Variants in SEMA4F observed in about 807,000 individuals in gnomAD.
The protein encoded by SEMA4F is semaphorin-4F.
SEMA4F carries 51 observed loss-of-function variants against 78.4 expected under a neutral mutation model. That is an observed-to-expected ratio of 0.65 (90% confidence interval 0.52 to 0.82). The LOEUF is 0.82. Among genes scored for constraint, SEMA4F ranks in the 40% least tolerant of loss-of-function variants. SEMA4F has a pLI of 0.00. For synonymous variants in SEMA4F, 418 were observed against 408.7 expected (o/e 1.02, Z -0.27); for missense variants, 938 against 1,014.4 (o/e 0.92, Z 1.02).
chr2:74,695,056 G>T, the SEMA4F span, among the ~76,000 whole-genome samples: 1 of 151,868 alleles, frequency 6.6e-6, no homozygotes, highest in Non-Finnish European at 1.5e-5. Context: ...GACTGTGATA[G>T]CTGGGAGGAG....
rs1334432928 is a variant in SEMA4F, at chr2:74,673,477, A to G, written c.571A>G (p.Thr191Ala). Residue 191 changes from threonine to alanine, a missense_variant, in exon 6 of 14, where the codon ACT (threonine) becomes GCT (alanine). Physicochemically the swap from Thr to Ala is moderately conservative, Grantham distance 58. Coordinates refer to ENST00000357877, the MANE Select transcript of SEMA4F (RefSeq NM_004263.5). ...VMAGGVLYAATVKNYLGTEPI... is the reference protein window; with the variant it reads ...VMAGGVLYAAAVKNYLGTEPI... ...TGCAGGGGGGGTCCTCTATGCTGCCACTGTGAAAAACTACCTGGGGACGGA... is the reference window on the plus strand; with the variant it reads ...TGCAGGGGGGGTCCTCTATGCTGCCGCTGTGAAAAACTACCTGGGGACGGA... 6.2e-7 allele frequency: 1 copy of G among 1,613,946 alleles called. No individual in the cohort carries two copies. Among genetic ancestry groups the G allele is most frequent in the Non-Finnish European group, 8.5e-7 (1 of 1,180,016 alleles).
chr2:74,702,706 A>G, the SEMA4F span, among the ~76,000 whole-genome samples: 43,208 of 152,052 alleles, frequency 0.28, 9,092 homozygotes, highest in East Asian at 0.82. Context: ...CAGACGATTC[A>G]TAGATCAACC....
chr2:74,675,269 TC>T lies in SEMA4F; in HGVS notation c.1259del (p.Pro420GlnfsTer23). ...DHPLMDRPVF[P>X]ADGHPLLVTT... is the part of the protein sequence containing the mutation. ...ACCCACTCATGGACAGGCCAGTGTTTCCAGCTGATGGCCACCCCCTGCTGGT... is the reference window on the plus strand; with the variant it reads ...ACCCACTCATGGACAGGCCAGTGTTTCAGCTGATGGCCACCCCCTGCTGGT... On this transcript the variant is annotated frameshift_variant, in exon 10 of 14. Transcript: ENST00000357877. LOFTEE classifies it high-confidence loss of function. 1 of 1,614,188 alleles carries T rather than the reference TC, an allele frequency of 6.2e-7. No homozygotes were observed. Among genetic ancestry groups the T allele is most frequent in the Non-Finnish European group, 8.5e-7 (1 of 1,180,030 alleles).
chr2:74,686,583 G>A (rs1434721853), downstream of SEMA4F, among the ~76,000 whole-genome samples: 1 of 152,228 alleles, frequency 6.6e-6, no homozygotes, highest in Non-Finnish European at 1.5e-5. Flanking sequence ...GCACACGTAT[G>A]TTTATTGTGG....
At chr2:74,660,127 G>A (rs1049302422) in intron 4 of SEMA4F, among the ~76,000 whole-genome samples, 1 of 152,262 alleles carries the variant, frequency 6.6e-6, no homozygotes, top group Admixed American at 6.5e-5. Flanking sequence ...TTTACATTAA[G>A]GATTAAGTTT....
At chr2:74,676,648 C>T (rs775236863) in intron 12 of SEMA4F, among the ~76,000 whole-genome samples, 3 of 152,168 alleles carry the variant, frequency 2.0e-5, no homozygotes, top group Non-Finnish European at 4.4e-5. Context: ...CTGATTCTAG[C>T]ACCCAAATGT....
At position 74,675,739 on chromosome 2, in the gene SEMA4F, GTTTTTA is replaced by G. The variant is rs760786892; in HGVS notation, c.1483-8_1483-3del. 3.7e-6 allele frequency: 6 copies of G among 1,613,836 alleles called. No individual in the cohort carries two copies. The South Asian group carries it at 6.6e-5, about 18-fold the overall frequency. On this transcript the variant is annotated splice_region_variant and splice_polypyrimidine_tract_variant and intron_variant, in intron 11 of 13. Transcript: ENST00000357877. The stretch of plus-strand genomic sequence containing the variant: ...CCAGTGTATTCCCCTTCCCCACTCC[GTTTTTA>G]TAGAGCTGGCTCCTGGTTGGCTCCC...
At chr2:74,668,657 C>T (rs1197954111) in intron 5 of SEMA4F, among the ~76,000 whole-genome samples, 5 of 150,172 alleles carry the variant, frequency 3.3e-5, no homozygotes, top group Non-Finnish European at 7.4e-5. Flanking sequence ...GTCGCCCAGG[C>T]TGGAGTGCAG....
intron 10 of SEMA4F, 56 bp from the exon 11 acceptor site, chr2:74,675,469 A>G: frequency 6.3e-7 from 1 of 1,593,840 alleles, no homozygotes; most frequent in South Asian, 1.1e-5. Flanking sequence ...TATAGGTCTG[A>G]GTCCCAGGCA....
At chr2:74,670,760 T>TC (rs1346443969) in intron 5 of SEMA4F, among the ~76,000 whole-genome samples, 3 of 152,158 alleles carry the variant, frequency 2.0e-5, no homozygotes, top group African/African-American at 7.2e-5. Context: ...TGTCAACTTT[T>TC]CCCCCCTTGG....
At chr2:74,665,614 A>G (rs1028547993) in intron 5 of SEMA4F, among the ~76,000 whole-genome samples, 1 of 152,212 alleles carries the variant, frequency 6.6e-6, no homozygotes, top group African/African-American at 2.4e-5. Flanking sequence ...CATAAAGTAT[A>G]TATTGACTAA....
At position 74,658,233 on chromosome 2, in the gene SEMA4F, G is replaced by A. The variant is rs1002823447; in HGVS notation, c.456+282G>A. 6.6e-6 allele frequency among the ~76,000 whole-genome samples: 1 copy of A among 152,178 alleles called. No homozygotes were observed. The highest frequency in any genetic ancestry group is 2.4e-5 in the African/African-American group (1 of 41,414). On this transcript the variant is annotated intron_variant, in intron 4 of 13. Transcript: ENST00000357877. This position sits in a 1 kb window ranked among gnomAD's most constrained non-coding sequence, Gnocchi z 4.3. Reference sequence around the variant, plus strand: ...GATAGTTAAGGAAGTTAGGGATGCTGGTTGGGCTGGGGAAACAACAAATCC... The same window carrying A: ...GATAGTTAAGGAAGTTAGGGATGCTAGTTGGGCTGGGGAAACAACAAATCC...
chr2:74,704,670 A>G, the SEMA4F span, among the ~76,000 whole-genome samples: 93 of 152,190 alleles, frequency 6.1e-4, no homozygotes, highest in African/African-American at 2.1e-3. Context: ...AGTGAGTGGA[A>G]ACTGTAACTT....
chr2:74,669,642 C>T (rs1016773879), intron 5 of SEMA4F, among the ~76,000 whole-genome samples: 4 of 152,038 alleles, frequency 2.6e-5, no homozygotes, highest in African/African-American at 4.8e-5. Flanking sequence ...AAACAAAAAA[C>T]GAATGAACTG....
chr2:74,685,788 C>A (rs72909258), downstream of SEMA4F, among the ~76,000 whole-genome samples: 1 of 152,024 alleles, frequency 6.6e-6, no homozygotes, highest in Non-Finnish European at 1.5e-5. Flanking sequence ...TAAATAAGAT[C>A]GGAGAAAATT....
Position 74,680,185 on chromosome 2 carries a change from C to G in SEMA4F, c.2289C>G (p.Ala763=). The G allele has an allele frequency of 6.3e-7, 1 of 1,583,576 alleles. No individual in the cohort carries two copies. Residue 763 remains alanine, a synonymous_variant, in exon 14 of 14, where the codon GCC becomes GCG. Transcript: ENST00000357877. The part of the protein sequence containing the change: ...AHIRLTGAPL[A]TCDETSI The stretch of plus-strand genomic sequence containing the variant: ...TTCGGCTAACTGGGGCTCCTCTAGC[C>G]ACATGTGATGAAACATCCATCTAGA...
At chr2:74,657,739 C>T in intron 3 of SEMA4F, 114 bp from the exon 4 acceptor site, 1 of 1,370,518 alleles carries the variant, frequency 7.3e-7, no homozygotes, top group Non-Finnish European at 1.0e-6. Flanking sequence ...ACTCTAACAC[C>T]ATGCCATCAC....
chr2:74,666,032 T>A (rs1684680305), intron 5 of SEMA4F, among the ~76,000 whole-genome samples: 1 of 152,036 alleles, frequency 6.6e-6, no homozygotes, highest in Non-Finnish European at 1.5e-5. Flanking sequence ...CTCAGCCTCC[T>A]GAGTAGCTGA....
chr2:74,675,535 C>A lies in SEMA4F; in HGVS notation c.1383C>A (p.His461Gln), dbSNP rs746986353. ...DVLYLGTEDG[H>Q]LHRAVRIGAQ... ...TTTCCTGTCCCCTAGAGGATGGACA[C>A]CTCCACCGAGCAGTGCGGATCGGAG... is the stretch of plus-strand genomic sequence containing the variant. Residue 461 changes from histidine (H) to glutamine (Q), a missense_variant, in exon 11 of 14, where the codon CAC (histidine) becomes CAA (glutamine). Coordinates refer to ENST00000357877, the MANE Select transcript of SEMA4F (RefSeq NM_004263.5). 6.2e-7 allele frequency: 1 copy of A among 1,613,996 alleles called. No homozygotes were observed. Among genetic ancestry groups the A allele is most frequent in the African/African-American group, 1.3e-5 (1 of 75,050 alleles).
Sources: allele counts gnomAD v4.1 joint callset (sites outside exome capture counted in the v4.1 genomes callset), GRCh38; gene constraint gnomAD v4.1.1; non-coding constraint Gnocchi (gnomAD v3.1); transcripts MANE v1.5; gene names NCBI Gene and HGNC (gene_info 2026-07-23, HGNC 2026-07-21).